Variants in ARL14EP observed in about 807,000 individuals in gnomAD.
The protein encoded by ARL14EP is ARF like GTPase 14 effector protein, also known as ARL14 effector protein.
Under a neutral mutation model 23.1 loss-of-function variants are expected in ARL14EP, and 12 were observed. The ratio of observed to expected loss-of-function variants is 0.52; its 90% CI spans 0.33 to 0.84. The LOEUF (loss-of-function observed/expected upper bound fraction) is 0.84, where lower values mean the gene tolerates loss of function less well. Among genes scored for constraint, ARL14EP ranks in the 40% least tolerant of loss-of-function variants. The pLI is 0.02. For missense variants in ARL14EP, 253 were observed against 307.3 expected (o/e 0.82, Z 1.32); for synonymous variants, 97 against 102.0 (o/e 0.95, Z 0.29).
chr11:30,336,827 G>T lies in ARL14EP; in HGVS notation c.*32G>T. On this transcript the variant is annotated 3_prime_UTR_variant, in exon 4 of 4. Transcript: ENST00000282032. Reference sequence around the variant, plus strand: ...GTACCAAACTATGGAGCCTTTAAAGGTCTTTATTTCTAAAAATCTGTTACT... The same window carrying T: ...GTACCAAACTATGGAGCCTTTAAAGTTCTTTATTTCTAAAAATCTGTTACT... 1.3e-6 allele frequency: 2 copies of T among 1,562,958 alleles called. No homozygotes were observed. The highest frequency in any genetic ancestry group is 1.8e-6 in the Non-Finnish European group (2 of 1,134,070).
rs1371298610 is a variant in ARL14EP, at chr11:30,336,842, A to ATGT, written c.*47_*48insTGT. 44 of 1,490,366 alleles carry ATGT rather than the reference A, an allele frequency of 3.0e-5. No homozygotes were observed. Among genetic ancestry groups the ATGT allele is most frequent in the Non-Finnish European group, 3.9e-5 (42 of 1,070,266 alleles). The allele number at this position is 1,490,366 out of a possible 1,614,324, so 92.3% of individuals were successfully genotyped here. ...GCCTTTAAAGGTCTTTATTTCTAAA[A>ATGT]ATCTGTTACTCTAAGATACATTTTA... On this transcript the variant is annotated 3_prime_UTR_variant, in exon 4 of 4. Transcript: ENST00000282032.
intron 1 of ARL14EP, 103 bp downstream of exon 1, chr11:30,323,305 G>A (rs1947209262): frequency 6.5e-6 from 1 of 152,938 alleles, no homozygotes. Context: ...CCCGGGGAGA[G>A]GTGGAAGAGG....
At chr11:30,328,353 G>C (rs1308133873) in intron 1 of ARL14EP, 1 of 151,978 alleles carries the variant, frequency 6.6e-6, no homozygotes, top group Non-Finnish European at 1.5e-5. Flanking sequence ...GTCTAGTCTA[G>C]AACTCCTGGC....
In ARL14EP at chr11:30,332,995, T is replaced by C; in HGVS notation, c.554+2T>C. The C allele has an allele frequency of 6.2e-7, 1 of 1,612,688 alleles. No homozygotes were observed. The highest frequency in any genetic ancestry group is 1.1e-5 in the South Asian group (1 of 90,978). On this transcript the variant is annotated splice_donor_variant, in intron 3 of 3. Transcript: ENST00000282032. LOFTEE classifies it high-confidence loss of function. Reference sequence around the variant, plus strand: ...AAATGCAACCGCTGGTTCAGACAGGTAGGCTAAGTGTTACTGAAGACATGT... The same window carrying C: ...AAATGCAACCGCTGGTTCAGACAGGCAGGCTAAGTGTTACTGAAGACATGT...
At position 30,331,479 on chromosome 11, in the gene ARL14EP, A is replaced by T. The variant is rs1947283002; in HGVS notation, c.426+105A>T. ...ACATTATTACTAAATTTGTTAGCAT[A>T]CAGTGAATTAAAAGGAGGGGTGAAA... On this transcript the variant is annotated intron_variant, in intron 2 of 3. Coordinates refer to ENST00000282032, the MANE Select transcript of ARL14EP (RefSeq NM_152316.3). 14 of 1,544,222 alleles carry T rather than the reference A, an allele frequency of 9.1e-6. 1 individual carries two copies. The highest frequency in any genetic ancestry group is 1.9e-4 in the Middle Eastern group (1 of 5,194).
chr11:30,333,081 G>A, intron 3 of ARL14EP, 88 bp downstream of exon 3: 1 of 1,533,268 alleles, frequency 6.5e-7, no homozygotes, highest in Non-Finnish European at 8.9e-7. Context: ...TGAATTTTCT[G>A]GGTTCATATT....
Position 30,333,009 on chromosome 11 carries a change from C to G in ARL14EP, c.554+16C>G. On this transcript the variant is annotated intron_variant, in intron 3 of 3. Transcript: ENST00000282032. ...GTTCAGACAGGTAGGCTAAGTGTTA[C>G]TGAAGACATGTTAACTTGCTGCTTC... 1 of 1,611,770 alleles carries G rather than the reference C, an allele frequency of 6.2e-7. No homozygotes were observed. Among genetic ancestry groups the G allele is most frequent in the East Asian group, 2.2e-5 (1 of 44,768 alleles).
chr11:30,330,735 T>A, intron 1 of ARL14EP, 151 bp from the exon 2 acceptor site: 1 of 526,356 alleles, frequency 1.9e-6, no homozygotes, highest in Non-Finnish European at 3.4e-6. Flanking sequence ...ACGCTTCTGT[T>A]TGATTATTAA....
rs371036775 is a variant in ARL14EP, at chr11:30,331,095, A to G, written c.147A>G (p.Thr49=). The change falls in exon 2 of 4, where the codon ACA becomes ACG. Residue 49 remains threonine, a synonymous_variant. Transcript: ENST00000282032. ...TACTTCAACTTAGAACTGGAATGAC[A>G]CTTTCTGGGAACAATACAATTTGCT... The part of the protein sequence containing the change: ...MLLLQLRTGM[T]LSGNNTICFH... The G allele has an allele frequency of 2.6e-5, 42 of 1,613,832 alleles. No homozygotes were observed. In the African/African-American group the frequency reaches 3.6e-4, roughly 14 times the overall value.
In ARL14EP at chr11:30,338,092, C is replaced by A. The variant is rs1018608379; in HGVS notation, c.*1297C>A. On this transcript the variant is annotated 3_prime_UTR_variant, in exon 4 of 4. Transcript: ENST00000282032. ...CGCTTGTAGCTGGGAACAGTGCTTA[C>A]TTCAGGGAAAACTGATTTTGATAGA... 6 of 152,134 alleles carry A rather than the reference C, an allele frequency of 3.9e-5. No homozygotes were observed. Among genetic ancestry groups the A allele is most frequent in the Admixed American group, 2.0e-4 (3 of 15,274 alleles). 9.4% of individuals were successfully genotyped at this position (152,134 alleles called of 1,614,324 possible). A position where few individuals can be genotyped will look rare whatever the true frequency, so the allele number is the denominator to read the frequency against.
intron 1 of ARL14EP, chr11:30,330,139 A>ATT (rs1947270685): frequency 6.6e-6 from 1 of 152,112 alleles, no homozygotes; most frequent in African/African-American, 2.4e-5. Flanking sequence ...ATCGATTAAT[A>ATT]GTACCACATG....
At chr11:30,327,691 G>T (rs1462815080) in intron 1 of ARL14EP, among the ~76,000 whole-genome samples, 1 of 151,640 alleles carries the variant, frequency 6.6e-6, no homozygotes, top group Non-Finnish European at 1.5e-5. Context: ...AGGCACGGTG[G>T]CTCATGCCTG....
intron 1 of ARL14EP, chr11:30,329,312 T>C (rs1387011019): frequency 6.6e-6 from 1 of 152,198 alleles, no homozygotes; most frequent in Non-Finnish European, 1.5e-5. Flanking sequence ...TTAACTGTTA[T>C]GTGGGAGTCC....
At chr11:30,335,878 C>G (rs1947328032) in intron 3 of ARL14EP, among the ~76,000 whole-genome samples, 1 of 151,896 alleles carries the variant, frequency 6.6e-6, no homozygotes, top group Non-Finnish European at 1.5e-5. Flanking sequence ...TATCTCCGTT[C>G]TATGGGTAGC....
chr11:30,328,928 TG>T (rs2133646934), intron 1 of ARL14EP: 1 of 152,264 alleles, frequency 6.6e-6, no homozygotes, highest in East Asian at 1.9e-4. Context: ...TGAGTTGCAT[TG>T]GTTGCATATT....
intron 3 of ARL14EP, among the ~76,000 whole-genome samples, chr11:30,334,474 A>C (rs897062560): frequency 6.6e-6 from 1 of 152,052 alleles, no homozygotes; most frequent in South Asian, 2.1e-4. Flanking sequence ...TTGGCCTCCC[A>C]AAGTGCTGGG....
At chr11:30,332,832 G>T in intron 2 of ARL14EP, 34 bp from the exon 3 acceptor site, 2 of 1,609,020 alleles carry the variant, frequency 1.2e-6, no homozygotes, top group East Asian at 2.2e-5. Context: ...CTGTTGTCAA[G>T]ATTTGAGTTG....
chr11:30,328,045 C>T (rs1439740773), intron 1 of ARL14EP: 1 of 152,104 alleles, frequency 6.6e-6, no homozygotes, highest in Non-Finnish European at 1.5e-5. Context: ...TATACATTGC[C>T]ACATAGTTCG....
intron 3 of ARL14EP, among the ~76,000 whole-genome samples, chr11:30,335,673 A>G (rs1014091771): frequency 6.6e-6 from 1 of 150,804 alleles, no homozygotes; most frequent in African/African-American, 2.5e-5. Flanking sequence ...ATTAAGGTAC[A>G]TACATTTTTT....
Sources: allele counts gnomAD v4.1 joint callset (sites outside exome capture counted in the v4.1 genomes callset), GRCh38; gene constraint gnomAD v4.1.1; transcripts MANE v1.5; gene names NCBI Gene and HGNC (gene_info 2026-07-23, HGNC 2026-07-21).